Variants in ATG10 observed in about 807,000 individuals in gnomAD.
The protein encoded by ATG10 is ubiquitin-like-conjugating enzyme ATG10.
In ATG10, 30 loss-of-function variants were observed where a neutral mutation model predicts 32.1. The ratio of observed to expected loss-of-function variants is 0.94; its 90% CI spans 0.70 to 1.27. The LOEUF (loss-of-function observed/expected upper bound fraction) is 1.27, where lower values mean the gene tolerates loss of function less well. Among genes scored for constraint, ATG10 ranks in the 50% most tolerant of loss-of-function variants. The pLI is 0.00. For synonymous variants in ATG10, 87 were observed against 91.5 expected, an observed-to-expected ratio of 0.95 and a Z score of 0.28; for missense variants, 233 against 262.3, an observed-to-expected ratio of 0.89 and a Z score of 0.77.
intron 2 of ATG10, among the ~76,000 whole-genome samples, chr5:82,050,209 C>A (rs1763367001): frequency 6.6e-6 from 1 of 151,874 alleles, no homozygotes; most frequent in South Asian, 2.1e-4. Context: ...ATGTAGTATT[C>A]CATTGTATGG....
At chr5:82,085,042 G>T (rs1764622710) in intron 3 of ATG10, among the ~76,000 whole-genome samples, 1 of 152,082 alleles carries the variant, frequency 6.6e-6, no homozygotes, top group South Asian at 2.1e-4. Context: ...CTGGCAAATT[G>T]GATAAAGAAT....
At chr5:82,052,490 G>T (rs1264142714) in intron 2 of ATG10, among the ~76,000 whole-genome samples, 1 of 152,164 alleles carries the variant, frequency 6.6e-6, no homozygotes, top group Non-Finnish European at 1.5e-5. Flanking sequence ...AATCTACTCT[G>T]GCAATGTGGT....
At chr5:82,026,568 T>C (rs1046397267) in intron 2 of ATG10, among the ~76,000 whole-genome samples, 2 of 152,214 alleles carry the variant, frequency 1.3e-5, no homozygotes, top group Non-Finnish European at 2.9e-5. Flanking sequence ...AGTAAAACAT[T>C]GATTTTGTTA....
intron 1 of ATG10, among the ~76,000 whole-genome samples, chr5:81,973,757 T>G (rs1404781294): frequency 1.3e-5 from 2 of 152,200 alleles, no homozygotes; most frequent in Admixed American, 1.3e-4. Context: ...GAGGAAATGT[T>G]ACAGAACTTT....
At chr5:82,009,383 A>T (rs946332788) in intron 2 of ATG10, among the ~76,000 whole-genome samples, 2 of 152,030 alleles carry the variant, frequency 1.3e-5, no homozygotes, top group African/African-American at 4.8e-5. Flanking sequence ...TTATATATAT[A>T]TATTTTTTGT....
Position 82,058,782 on chromosome 5 carries a change from C to T in ATG10, c.216+180C>T, listed in dbSNP as rs185636498. On this transcript the variant is annotated intron_variant, in intron 3 of 7. Transcript: ENST00000282185. The stretch of plus-strand genomic sequence containing the variant: ...ATATTTTAAAAACTTCAAACTTCTT[C>T]CCACTGGAGAGAGATCCAATTGCCA... 1.5e-3 allele frequency among the ~76,000 whole-genome samples: 234 copies of T among 152,214 alleles called. 1 individual carries two copies. Among genetic ancestry groups the T allele is most frequent in the Admixed American group, 2.4e-3 (37 of 15,270 alleles).
At chr5:82,155,641 C>T (rs184008711) in intron 3 of ATG10, among the ~76,000 whole-genome samples, 24 of 152,198 alleles carry the variant, frequency 1.6e-4, no homozygotes, top group Admixed American at 1.6e-3. Flanking sequence ...ATTAGAGAAA[C>T]TGGGCTTATT....
At chr5:81,988,425 C>T (rs898535939) in intron 2 of ATG10, among the ~76,000 whole-genome samples, 1 of 152,180 alleles carries the variant, frequency 6.6e-6, no homozygotes, top group African/African-American at 2.4e-5. Flanking sequence ...AGGCGTGAGC[C>T]ACCACACCCA....
chr5:81,979,387 G>T (rs1331533653), intron 1 of ATG10, among the ~76,000 whole-genome samples: 2 of 152,090 alleles, frequency 1.3e-5, no homozygotes, highest in Non-Finnish European at 2.9e-5. Context: ...AATTAGCTGG[G>T]CGTGGTGGCG....
chr5:82,246,298 T>TG (rs1747031457), intron 5 of ATG10, among the ~76,000 whole-genome samples: 2 of 152,098 alleles, frequency 1.3e-5, no homozygotes, highest in East Asian at 3.9e-4. Flanking sequence ...CTTGAACTCC[T>TG]GGCCTCAAGT....
chr5:82,208,164 A>G (rs1048255379), intron 5 of ATG10, among the ~76,000 whole-genome samples: 3 of 152,140 alleles, frequency 2.0e-5, no homozygotes, highest in African/African-American at 7.2e-5. Flanking sequence ...TCTCTGTTCC[A>G]TTCAGTTGTT....
At chr5:82,081,753 G>T (rs1026220435) in intron 3 of ATG10, among the ~76,000 whole-genome samples, 1 of 152,082 alleles carries the variant, frequency 6.6e-6, no homozygotes, top group African/African-American at 2.4e-5. Context: ...TGCTGGATTC[G>T]GTTTGCCAGT....
intron 3 of ATG10, among the ~76,000 whole-genome samples, chr5:82,088,561 C>T (rs1278111182): frequency 6.6e-6 from 1 of 152,160 alleles, no homozygotes; most frequent in African/African-American, 2.4e-5. Flanking sequence ...AGAGTGCGTT[C>T]CTCCTTACAT....
intron 3 of ATG10, among the ~76,000 whole-genome samples, chr5:82,065,215 G>A (rs776802331): frequency 9.2e-5 from 14 of 152,198 alleles, no homozygotes; most frequent in Non-Finnish European, 2.9e-5. Flanking sequence ...GCCGGGCGCA[G>A]TGACTCACGC....
At chr5:82,251,626 C>G (rs1487529157) in intron 5 of ATG10, among the ~76,000 whole-genome samples, 1 of 152,158 alleles carries the variant, frequency 6.6e-6, no homozygotes, top group Non-Finnish European at 1.5e-5. Context: ...CTGGCATTAT[C>G]CCCTTAGGTC....
At chr5:82,077,062 G>A (rs1429675668) in intron 3 of ATG10, among the ~76,000 whole-genome samples, 15 of 152,150 alleles carry the variant, frequency 9.9e-5, no homozygotes, top group East Asian at 1.9e-4. Context: ...GGTGGCTCAC[G>A]CCTGTAATTC....
chr5:82,141,059 C>T (rs1319983040), intron 3 of ATG10, among the ~76,000 whole-genome samples: 1 of 121,630 alleles, frequency 8.2e-6, no homozygotes, highest in African/African-American at 3.1e-5. Flanking sequence ...AATCCCTAAT[C>T]TCAAGTAATC....
intron 3 of ATG10, among the ~76,000 whole-genome samples, chr5:82,082,859 A>G (rs183040188): frequency 6.6e-6 from 1 of 152,228 alleles, no homozygotes; most frequent in Admixed American, 6.5e-5. Context: ...GTAGAAAATT[A>G]AAAAATACTG....
At chr5:82,195,193 G>A (rs74446946) in intron 5 of ATG10, among the ~76,000 whole-genome samples, 2,251 of 152,206 alleles carry the variant, frequency 0.015, 43 homozygotes, top group African/African-American at 0.05. Context: ...CATTTGCTTT[G>A]ATATTGGTTC....
Sources: allele counts gnomAD v4.1 joint callset (sites outside exome capture counted in the v4.1 genomes callset), GRCh38; gene constraint gnomAD v4.1.1; transcripts MANE v1.5; gene names NCBI Gene and HGNC (gene_info 2026-07-23, HGNC 2026-07-21).